LRRC37A2: variants seen among roughly 807,000 people sequenced by gnomAD.
The protein encoded by LRRC37A2 is leucine-rich repeat-containing protein 37A2.
In LRRC37A2, 9 loss-of-function variants were observed where a neutral mutation model predicts 68.8. That is an observed-to-expected ratio of 0.13 (90% CI 0.08 to 0.23). LRRC37A2 has a LOEUF of 0.23. LRRC37A2 is among the 10% of genes least tolerant of loss of function. LRRC37A2 has a pLI of 1.00. For missense variants in LRRC37A2, 168 were observed against 950.4 expected, an observed-to-expected ratio of 0.18 and a Z score of 10.82; for synonymous variants, 63 against 367.6, an observed-to-expected ratio of 0.17 and a Z score of 9.48.
the LRRC37A2 span, among the ~76,000 whole-genome samples, chr17:46,835,091 G>A: frequency 6.6e-6 from 1 of 152,250 alleles, no homozygotes; most frequent in Admixed American, 6.5e-5. Context: ...ATCTCCTGGG[G>A]TCAAGTGATC....
At chr17:47,008,630 T>TTTTTG in the LRRC37A2 span, among the ~76,000 whole-genome samples, 7 of 151,694 alleles carry the variant, frequency 4.6e-5, no homozygotes, top group East Asian at 9.7e-4. Context: ...CTAGTTTTTT[T>TTTTTG]TTTTGTTTTG....
the LRRC37A2 span, among the ~76,000 whole-genome samples, chr17:46,803,790 C>G: frequency 6.6e-6 from 1 of 152,214 alleles, no homozygotes; most frequent in Admixed American, 6.5e-5. Context: ...GTGGCCTGCC[C>G]TGGCAGAATG....
At chr17:47,033,146 G>A in the LRRC37A2 span, 3 of 585,098 alleles carry the variant, frequency 5.1e-6, no homozygotes, top group Non-Finnish European at 8.9e-6. Flanking sequence ...GACTCCAGGA[G>A]GTGGAGTTTG....
the LRRC37A2 span, chr17:46,710,827 T>G: frequency 1.5e-5 from 11 of 733,858 alleles, no homozygotes; most frequent in East Asian, 3.7e-4. Flanking sequence ...TACAAGTTGT[T>G]TTGCTTTCCA....
the LRRC37A2 span, among the ~76,000 whole-genome samples, chr17:46,891,732 T>G: frequency 6.6e-6 from 1 of 152,096 alleles, no homozygotes; most frequent in Non-Finnish European, 1.5e-5. Context: ...AGTCTCATCC[T>G]CTCACTAGGC....
the LRRC37A2 span, among the ~76,000 whole-genome samples, chr17:47,026,929 G>GTTTA: frequency 6.6e-6 from 1 of 152,064 alleles, no homozygotes; most frequent in Non-Finnish European, 1.5e-5. Flanking sequence ...TTGTTTGTTT[G>GTTTA]TGATGGAGTC....
chr17:46,813,227 C>T, the LRRC37A2 span, among the ~76,000 whole-genome samples: 1 of 151,796 alleles, frequency 6.6e-6, no homozygotes, highest in South Asian at 2.1e-4. Context: ...CCTGTCATAG[C>T]CCTGGGACTC....
the LRRC37A2 span, chr17:46,941,559 A>G: frequency 3.7e-6 from 1 of 272,236 alleles, no homozygotes; most frequent in South Asian, 1.4e-4. Context: ...CCTTTTTTAA[A>G]TCTCTAAGGT....
chr17:47,034,841 A>C, the LRRC37A2 span, among the ~76,000 whole-genome samples: 1 of 152,114 alleles, frequency 6.6e-6, no homozygotes, highest in Non-Finnish European at 1.5e-5. Flanking sequence ...AAAAATCACG[A>C]AGGATATTTA....
At chr17:46,503,000 C>G in the LRRC37A2 span, among the ~76,000 whole-genome samples, 1 of 150,658 alleles carries the variant, frequency 6.6e-6, no homozygotes, top group Non-Finnish European at 1.5e-5. Flanking sequence ...ATCCCGATGT[C>G]AGGAGATGGA....
At chr17:46,829,807 G>A in the LRRC37A2 span, among the ~76,000 whole-genome samples, 1 of 151,876 alleles carries the variant, frequency 6.6e-6, no homozygotes, top group Non-Finnish European at 1.5e-5. Flanking sequence ...GGGGTGGGGG[G>A]AGCATGAGTT....
chr17:46,929,847 A>G, the LRRC37A2 span: 291,830 of 453,756 alleles, frequency 0.64, 94,823 homozygotes, highest in Middle Eastern at 0.7. Context: ...GCCTCCATCT[A>G]TCTTAATCTA....
chr17:47,010,240 G>A, the LRRC37A2 span, among the ~76,000 whole-genome samples: 1 of 152,196 alleles, frequency 6.6e-6, no homozygotes, highest in Non-Finnish European at 1.5e-5. Flanking sequence ...CCGCACACAT[G>A]GGCTTCCTGT....
the LRRC37A2 span, among the ~76,000 whole-genome samples, chr17:46,910,903 G>C: frequency 6.6e-6 from 1 of 152,194 alleles, no homozygotes; most frequent in African/African-American, 2.4e-5. Context: ...GAGGTGGGTT[G>C]GTCTGGGGAA....
the LRRC37A2 span, chr17:46,931,804 C>CT: frequency 7.4e-5 from 40 of 539,498 alleles, no homozygotes; most frequent in Non-Finnish European, 1.2e-4. Context: ...CCCCTGTTCT[C>CT]TGTCATGCAT....
chr17:46,828,059 C>G, the LRRC37A2 span, among the ~76,000 whole-genome samples: 1 of 152,068 alleles, frequency 6.6e-6, no homozygotes, highest in Non-Finnish European at 1.5e-5. Flanking sequence ...ATCCGCCGAC[C>G]TCATGATCCG....
chr17:46,511,138 CTAAA>C (rs2050927547), upstream of LRRC37A2, among the ~76,000 whole-genome samples: 1 of 110,250 alleles, frequency 9.1e-6, no homozygotes, highest in African/African-American at 3.5e-5. Context: ...GGGATTGTTT[CTAAA>C]TTAATCTCAA....
the LRRC37A2 span, among the ~76,000 whole-genome samples, chr17:46,881,736 G>T: frequency 6.6e-6 from 1 of 152,082 alleles, no homozygotes; most frequent in African/African-American, 2.4e-5. Context: ...TACCCTACCC[G>T]CAATATCCCT....
chr17:46,890,467 G>A, the LRRC37A2 span, among the ~76,000 whole-genome samples: 21 of 152,250 alleles, frequency 1.4e-4, no homozygotes, highest in African/African-American at 2.6e-4. Flanking sequence ...ACCAGGGAGC[G>A]GGAGGTCTTG....
Sources: allele counts gnomAD v4.1 joint callset (sites outside exome capture counted in the v4.1 genomes callset), GRCh38; gene constraint gnomAD v4.1.1; transcripts MANE v1.5; gene names NCBI Gene and HGNC (gene_info 2026-07-23, HGNC 2026-07-21).